The following POLE variants were observed in gnomAD, a reference collection of about 807,000 sequenced individuals.
The protein encoded by POLE is DNA polymerase epsilon, catalytic subunit, also known as DNA polymerase epsilon catalytic subunit A.
POLE carries 188 observed loss-of-function variants against 279.2 expected under a neutral mutation model. The observed-to-expected ratio is 0.67, with a 90% confidence interval of 0.60 to 0.76. The LOEUF (loss-of-function observed/expected upper bound fraction) is 0.76. Among genes scored for constraint, POLE ranks in the 30% least tolerant of loss-of-function variants. The probability of loss-of-function intolerance (pLI) is 0.00; values close to 1 mark genes in which losing one functional copy is unlikely to be tolerated. For missense variants in POLE, 2,703 were observed against 3,016.7 expected, an observed-to-expected ratio of 0.90 and a Z score of 2.44; for synonymous variants, 1,214 against 1,172.5, an observed-to-expected ratio of 1.04 and a Z score of -0.72.
In POLE at chr12:132,638,146, A is replaced by G. The variant is rs1383470676; in HGVS notation, c.5553-7T>C. 8 of 1,613,210 alleles carry G rather than the reference A, an allele frequency of 5.0e-6. No individual in the cohort carries two copies. Among genetic ancestry groups the G allele is most frequent in the Non-Finnish European group, 6.8e-6 (8 of 1,179,576 alleles). Reference sequence around the variant, plus strand: ...CTTGAACTCAGCGATGAGCCTGTGGAGCAAGTTGAGAGTCCGTGGTGGAGA... The same window carrying G: ...CTTGAACTCAGCGATGAGCCTGTGGGGCAAGTTGAGAGTCCGTGGTGGAGA... On this transcript the variant is annotated splice_region_variant and splice_polypyrimidine_tract_variant and intron_variant, in intron 40 of 48. Coordinates refer to ENST00000320574, the MANE Select transcript of POLE (RefSeq NM_006231.4).
Position 132,668,539 on chromosome 12 carries a change from GCA to G in POLE, c.2027-39_2027-38del. On this transcript the variant is annotated intron_variant, in intron 18 of 48. Coordinates refer to ENST00000320574, the MANE Select transcript of POLE (RefSeq NM_006231.4). This position sits in a 1 kb window ranked among gnomAD's most constrained non-coding sequence, Gnocchi z 4.0. The stretch of plus-strand genomic sequence containing the variant: ...GCAATGGGGGCAAGTTCAAAAGGAG[GCA>G]CAGACACACCGGCTTCCCACCAAGT... The G allele has an allele frequency of 6.3e-7, 1 of 1,581,484 alleles. No homozygotes were observed.
At chr12:132,667,035 A>G (rs5744807) in intron 20 of POLE, among the ~76,000 whole-genome samples, 3,719 of 152,266 alleles carry the variant, frequency 0.024, 75 homozygotes, top group Non-Finnish European at 0.037. Flanking sequence ...CGTTGGTATC[A>G]AAACAGAGGT....
At chr12:132,640,067 C>A (rs1388641057) in intron 39 of POLE, among the ~76,000 whole-genome samples, 1 of 152,238 alleles carries the variant, frequency 6.6e-6, no homozygotes, top group Admixed American at 6.5e-5. Context: ...GCCTAGCAGG[C>A]TGGGCCCTGC....
intron 12 of POLE, among the ~76,000 whole-genome samples, chr12:132,674,060 C>A (rs2042989374): frequency 6.6e-6 from 1 of 152,184 alleles, no homozygotes; most frequent in Non-Finnish European, 1.5e-5. Flanking sequence ...CTATCAACCA[C>A]ACTGATCTTC....
intron 26 of POLE, 131 bp from the exon 27 acceptor site, chr12:132,658,101 G>A (rs749907237): frequency 3.1e-6 from 2 of 646,188 alleles, no homozygotes; most frequent in Non-Finnish European, 2.8e-6. Flanking sequence ...GTATACATCT[G>A]CGTGCATATG....
intron 45 of POLE, among the ~76,000 whole-genome samples, 178 bp from the exon 46 acceptor site, chr12:132,626,495 C>G (rs1222809395): frequency 6.6e-6 from 1 of 152,190 alleles, no homozygotes; most frequent in Non-Finnish European, 1.5e-5. Flanking sequence ...TCGGTGAGGA[C>G]AGGCTTCCCT....
At chr12:132,679,742 A>T in intron 5 of POLE, 91 bp from the exon 6 acceptor site, 8 of 1,459,782 alleles carry the variant, frequency 5.5e-6, no homozygotes, top group Non-Finnish European at 5.6e-6. Flanking sequence ...CACACAAGTC[A>T]AAGAGTTGGC....
At position 132,634,356 on chromosome 12, in the gene POLE, C is replaced by T. The variant is rs773257929; in HGVS notation, c.5834G>A (p.Gly1945Glu). ...CTCATTTTCCTGCTCATCCTCTGCT[C>T]CCCCTGCTTTCTGGGAGTCTTGCTG... Reference protein sequence around the residue: ...CGLQDSQKAGGAEDEQENEDD... With the variant: ...CGLQDSQKAGEAEDEQENEDD... The change falls in exon 43 of 49, where the codon GGA becomes GAA. Residue 1945 changes from glycine to glutamate, a missense_variant. Around this residue, in one of 5 missense-constraint regions of POLE, gnomAD observed 1,551 missense variants for 1,686.1 expected, o/e 0.92. Transcript: ENST00000320574. This position sits in a 1 kb window ranked among gnomAD's most constrained non-coding sequence, Gnocchi z 4.0. 10 of 1,613,502 alleles carry T rather than the reference C, an allele frequency of 6.2e-6. No individual in the cohort carries two copies. In the African/African-American group the frequency reaches 9.3e-5, roughly 15 times the overall value.
intron 41 of POLE, among the ~76,000 whole-genome samples, chr12:132,636,440 GGAAAAAA>G (rs1418937172): frequency 1.4e-5 from 1 of 70,364 alleles, no homozygotes; most frequent in Non-Finnish European, 3.0e-5. Flanking sequence ...ATCCATTTAA[GGAAAAAA>G]AAAAAAAAAA....
rs1245540618 is a variant in POLE, at chr12:132,661,186, A to AGC, written c.2865-24_2865-23dup. ...ATACCTGAAAAAAAAAAAAAAGGCA[A>AGC]GCACAGCAGTGGCAAGGAGCGCTGG... On this transcript the variant is annotated intron_variant, in intron 24 of 48. Transcript: ENST00000320574. The surrounding 1 kb of genome is among the most constrained non-coding windows in gnomAD (Gnocchi z 4.1). 2.5e-6 allele frequency: 4 copies of AGC among 1,570,258 alleles called. No individual in the cohort carries two copies. The highest frequency in any genetic ancestry group is 3.4e-6 in the Non-Finnish European group (4 of 1,162,160).
chr12:132,648,337 G>T (rs1461429976), intron 32 of POLE, among the ~76,000 whole-genome samples: 4 of 150,572 alleles, frequency 2.7e-5, no homozygotes, highest in Non-Finnish European at 6.0e-5. Context: ...ATATCCGAAT[G>T]GGGGGGTGAG....
At chr12:132,626,048 C>A in intron 46 of POLE, 69 bp downstream of exon 46, 2 of 1,450,310 alleles carry the variant, frequency 1.4e-6, no homozygotes, top group African/African-American at 1.4e-5. Context: ...CTGCAGAAGC[C>A]CTCAAGACAC....
intron 6 of POLE, 70 bp downstream of exon 6, chr12:132,679,427 C>T (rs1373703339): frequency 2.9e-5 from 43 of 1,460,234 alleles, no homozygotes; most frequent in Admixed American, 9.8e-5. Flanking sequence ...TTTGTTGCTA[C>T]GTGTTCCTGT....
Position 132,659,122 on chromosome 12 carries a change from A to G in POLE, c.3275+173T>C, listed in dbSNP as rs148524415. Among the ~76,000 whole-genome samples, 271 of 152,296 alleles carry G rather than the reference A, an allele frequency of 1.8e-3. 1 individual carries two copies. Among genetic ancestry groups the G allele is most frequent in the African/African-American group, 6.3e-3 (260 of 41,572 alleles). On this transcript the variant is annotated intron_variant, in intron 26 of 48. Coordinates refer to ENST00000320574, the MANE Select transcript of POLE (RefSeq NM_006231.4). The stretch of plus-strand genomic sequence containing the variant: ...TTGATGGACACTTATGCCATCCCCA[A>G]ACTTGGTGTTAAACACAGCCCAAAT...
chr12:132,624,808 G>A lies in POLE; in HGVS notation c.6750C>T (p.Val2250=). ...GDFALTIHTQ[V]FMEQIGIFRN... The stretch of plus-strand genomic sequence containing the variant: ...GGAATATTCCGATCTGTTCCATGAA[G>A]ACCTGCAGGAATAAACAGGCACAGT... Residue 2250 remains valine (V), a splice_region_variant and synonymous_variant, in exon 49 of 49, where the codon GTC becomes GTT. Coordinates refer to ENST00000320574, the MANE Select transcript of POLE (RefSeq NM_006231.4). The A allele has an allele frequency of 6.2e-7, 1 of 1,608,610 alleles. No homozygotes were observed. Among genetic ancestry groups the A allele is most frequent in the Non-Finnish European group, 8.5e-7 (1 of 1,174,952 alleles).
chr12:132,634,735 C>T lies in POLE; in HGVS notation c.5812-357G>A, dbSNP rs546810993. 9.9e-5 allele frequency among the ~76,000 whole-genome samples: 15 copies of T among 152,266 alleles called. No homozygotes were observed. The highest frequency in any genetic ancestry group is 1.2e-4 in the African/African-American group (5 of 41,546). ...CTCTGAGTCCATGAATCTCCTGGGA[C>T]GGCACGACCCCATCACAGACCCAGC... On this transcript the variant is annotated intron_variant, in intron 42 of 48. Transcript: ENST00000320574. The surrounding 1 kb of genome is among the most constrained non-coding windows in gnomAD (Gnocchi z 4.0).
In POLE at chr12:132,625,581, G is replaced by A. The variant is rs5745076; in HGVS notation, c.6657+64C>T. 4,884 of 1,592,164 alleles carry A rather than the reference G, an allele frequency of 3.1e-3. 107 individuals carry two copies. The African/African-American group carries it at 0.048, about 15-fold the overall frequency. On this transcript the variant is annotated intron_variant, in intron 47 of 48. Coordinates refer to ENST00000320574, the MANE Select transcript of POLE (RefSeq NM_006231.4). ...AGGACCTGCACACACCCCGGCTCCC[G>A]GGAGTGCACAGAAACCCCCCTGTGG...
Position 132,681,840 on chromosome 12 carries a change from C to T in POLE, c.63-561G>A, listed in dbSNP as rs144794890. ...CTAAAAATGCATAAAACTAGCCAGA[C>T]GCGGTGGCTCATGAGAGTGCATGTA... is the stretch of plus-strand genomic sequence containing the variant. On this transcript the variant is annotated intron_variant, in intron 1 of 48. Transcript: ENST00000320574. 4.8e-4 allele frequency among the ~76,000 whole-genome samples: 73 copies of T among 152,264 alleles called. No homozygotes were observed. The East Asian group carries it at 9.3e-3, about 19-fold the overall frequency.
At chr12:132,687,099 C>T (rs910067647) in intron 1 of POLE, among the ~76,000 whole-genome samples, 155 bp downstream of exon 1, 24 of 150,370 alleles carry the variant, frequency 1.6e-4, no homozygotes, top group African/African-American at 5.8e-4. Flanking sequence ...CCTCCGTCGG[C>T]GGTCGGGGCG....
Sources: allele counts gnomAD v4.1 joint callset (sites outside exome capture counted in the v4.1 genomes callset), GRCh38; gene constraint gnomAD v4.1.1; regional missense constraint gnomAD v4.1.1; non-coding constraint Gnocchi (gnomAD v3.1); transcripts MANE v1.5; gene names NCBI Gene and HGNC (gene_info 2026-07-23, HGNC 2026-07-21).